PDE10A: variants seen among roughly 807,000 people sequenced by gnomAD.
PDE10A encodes cAMP and cAMP-inhibited cGMP 3',5'-cyclic phosphodiesterase 10A.
In PDE10A, 39 loss-of-function variants were observed where a neutral mutation model predicts 97.7. The observed-to-expected ratio is 0.40, with a 90% CI of 0.31 to 0.52. The LOEUF (loss-of-function observed/expected upper bound fraction) is 0.52. Ranked by LOEUF, PDE10A falls within the 20% of genes least tolerant of loss-of-function variation. PDE10A has a pLI of 0.56. For missense variants in PDE10A, 731 were observed against 1,047.8 expected (o/e 0.70, Z 4.17); for synonymous variants, 371 against 376.8 (o/e 0.98, Z 0.18).
chr6:165,916,149 T>C (rs1448136722), intron 1 of PDE10A, among the ~76,000 whole-genome samples: 5 of 152,258 alleles, frequency 3.3e-5, no homozygotes, highest in African/African-American at 1.2e-4. Context: ...ATTTTAAATA[T>C]TCTTTTAAAA....
At chr6:165,536,392 T>C (rs933908418) in intron 2 of PDE10A, among the ~76,000 whole-genome samples, 2 of 151,992 alleles carry the variant, frequency 1.3e-5, no homozygotes, top group Admixed American at 6.6e-5. Flanking sequence ...AACAGGGCAT[T>C]GGTCTGGACA....
At chr6:165,553,633 AGCCTAAGGGGT>A (rs1784119529) in intron 1 of PDE10A, among the ~76,000 whole-genome samples, 1 of 152,198 alleles carries the variant, frequency 6.6e-6, no homozygotes, top group Non-Finnish European at 1.5e-5. Flanking sequence ...GTGAATTAAC[AGCCTAAGGGGT>A]GCCTTAGCTG....
intron 1 of PDE10A, among the ~76,000 whole-genome samples, chr6:165,854,736 G>A (rs1007301503): frequency 1.3e-5 from 2 of 152,206 alleles, no homozygotes; most frequent in African/African-American, 4.8e-5. Flanking sequence ...GAGCCCGGGA[G>A]GGACGCGGGG....
intron 1 of PDE10A, among the ~76,000 whole-genome samples, chr6:165,789,811 CT>C (rs11314361): frequency 0.57 from 86,130 of 151,658 alleles, 24,593 homozygotes; most frequent in Middle Eastern, 0.61. Flanking sequence ...TTCTCAGGCA[CT>C]TTTTTTTTGC....
At chr6:165,944,837 A>G (rs1234965118) in intron 1 of PDE10A, among the ~76,000 whole-genome samples, 1 of 152,244 alleles carries the variant, frequency 6.6e-6, no homozygotes, top group East Asian at 1.9e-4. Flanking sequence ...TTTTGAAAAA[A>G]AAGTATCTTC....
intron 18 of PDE10A, among the ~76,000 whole-genome samples, chr6:165,354,938 A>G (rs1782930454): frequency 6.6e-6 from 1 of 150,662 alleles, no homozygotes; most frequent in Non-Finnish European, 1.5e-5. Context: ...AACAATGTAA[A>G]TGTGTGAATT....
chr6:165,469,020 G>A (rs1192527181), intron 3 of PDE10A, among the ~76,000 whole-genome samples: 4 of 152,262 alleles, frequency 2.6e-5, no homozygotes, highest in African/African-American at 4.8e-5. Flanking sequence ...AAGGTCTTGC[G>A]AAAGAGGAAT....
chr6:165,857,379 C>T, intron 1 of PDE10A, among the ~76,000 whole-genome samples: 1 of 152,226 alleles, frequency 6.6e-6, no homozygotes, highest in Admixed American at 6.5e-5. Flanking sequence ...CCATTCCTTC[C>T]ACAATGCTCA....
rs1034739042 is a variant in PDE10A at position 165,898,112 on chromosome 6, C to A, written c.-615+89417G>T. 5.3e-5 allele frequency among the ~76,000 whole-genome samples: 8 copies of A among 152,010 alleles called. No individual in the cohort carries two copies. In the East Asian group the frequency reaches 1.2e-3, roughly 22 times the overall value. The stretch of plus-strand genomic sequence containing the variant: ...GGAGGCTCTAGTCCCCCTCCACCCC[C>A]CATGAGTTGCCATCTGCCAGAAATG... On this transcript the variant is annotated intron_variant, in intron 1 of 19. Transcript: ENST00000366882.
At chr6:165,909,556 A>G (rs750088873) in intron 1 of PDE10A, among the ~76,000 whole-genome samples, 1 of 152,178 alleles carries the variant, frequency 6.6e-6, no homozygotes, top group Non-Finnish European at 1.5e-5. Flanking sequence ...TGACGTTAAC[A>G]AGGCATTCAT....
intron 2 of PDE10A, 87 bp downstream of exon 2, chr6:165,543,353 T>A: frequency 9.2e-7 from 1 of 1,081,696 alleles, no homozygotes. Context: ...TACTTTATAT[T>A]TCACACTCTA....
chr6:165,487,623 C>T (rs1205383826), intron 2 of PDE10A, among the ~76,000 whole-genome samples: 1 of 152,156 alleles, frequency 6.6e-6, no homozygotes, highest in African/African-American at 2.4e-5. Flanking sequence ...AAGCCCAAAC[C>T]TGCAGTCACT....
At chr6:165,547,457 A>G (rs1010724264) in intron 1 of PDE10A, among the ~76,000 whole-genome samples, 5 of 152,270 alleles carry the variant, frequency 3.3e-5, no homozygotes, top group African/African-American at 1.2e-4. Flanking sequence ...TACAGTCTAA[A>G]CAAAACCAAA....
chr6:165,892,359 T>A (rs1781828016), intron 1 of PDE10A, among the ~76,000 whole-genome samples: 1 of 152,182 alleles, frequency 6.6e-6, no homozygotes, highest in Admixed American at 6.5e-5. Flanking sequence ...CTGACCAAAG[T>A]GGACATGGCC....
intron 1 of PDE10A, among the ~76,000 whole-genome samples, chr6:165,600,066 G>A (rs1161086963): frequency 6.6e-6 from 1 of 151,988 alleles, no homozygotes; most frequent in African/African-American, 2.4e-5. Flanking sequence ...GGGAATCCTC[G>A]CCACACCGCA....
chr6:165,986,934 C>T (rs1785240440), intron 1 of PDE10A, among the ~76,000 whole-genome samples: 2 of 150,424 alleles, frequency 1.3e-5, no homozygotes, highest in Admixed American at 6.7e-5. Flanking sequence ...CCCCTCCTCC[C>T]CTATGACATC....
chr6:165,399,469 A>G (rs1177576453), intron 13 of PDE10A, among the ~76,000 whole-genome samples: 1 of 152,238 alleles, frequency 6.6e-6, no homozygotes. Context: ...TTTAGGGTAC[A>G]TGTGCACAAC....
chr6:165,979,689 C>A (rs901155056), intron 1 of PDE10A, among the ~76,000 whole-genome samples: 1 of 152,150 alleles, frequency 6.6e-6, no homozygotes, highest in Non-Finnish European at 1.5e-5. Flanking sequence ...AACTCCCACA[C>A]GGTGGAAATG....
intron 1 of PDE10A, among the ~76,000 whole-genome samples, chr6:165,751,258 T>A (rs1412344271): frequency 6.6e-6 from 1 of 152,220 alleles, no homozygotes; most frequent in African/African-American, 2.4e-5. Flanking sequence ...GAGGCACCCC[T>A]ACATCTTCAT....
Sources: allele counts gnomAD v4.1 joint callset (sites outside exome capture counted in the v4.1 genomes callset), GRCh38; gene constraint gnomAD v4.1.1; transcripts MANE v1.5; gene names NCBI Gene and HGNC (gene_info 2026-07-23, HGNC 2026-07-21).